Variants in KALRN observed in about 807,000 individuals in gnomAD.
KALRN encodes the protein kalirin RhoGEF kinase.
Under a neutral mutation model 353.7 loss-of-function variants are expected in KALRN, and 70 were observed. The ratio of observed to expected loss-of-function variants is 0.20; its 90% CI spans 0.16 to 0.24. The LOEUF is 0.24. Among genes scored for constraint, KALRN ranks in the 10% least tolerant of loss-of-function variants. The pLI is 1.00. For missense variants in KALRN, 2,791 were observed against 3,756.7 expected (o/e 0.74, Z 6.72); for synonymous variants, 1,391 against 1,434.8 (o/e 0.97, Z 0.69).
At chr3:124,370,574 T>C (rs2149791078) in intron 10 of KALRN, among the ~76,000 whole-genome samples, 1 of 152,326 alleles carries the variant, frequency 6.6e-6, no homozygotes, top group Non-Finnish European at 1.5e-5. Context: ...TTTGACAGGC[T>C]CCCACTTCCA....
At chr3:124,381,274 G>C (rs994656368) in intron 10 of KALRN, among the ~76,000 whole-genome samples, 2 of 152,190 alleles carry the variant, frequency 1.3e-5, no homozygotes, top group Admixed American at 6.5e-5. Context: ...ATGTGCAAAG[G>C]CACAGAGGCA....
chr3:124,702,006 G>A (rs754761210), intron 56 of KALRN, 32 bp from the exon 57 acceptor site: 15 of 1,556,078 alleles, frequency 9.6e-6, no homozygotes, highest in South Asian at 3.3e-5. Context: ...TGACATCCTC[G>A]ATATTGTAAA....
intron 45 of KALRN, among the ~76,000 whole-genome samples, chr3:124,662,714 A>G (rs2085052453): frequency 6.6e-6 from 1 of 152,212 alleles, no homozygotes; most frequent in Non-Finnish European, 1.5e-5. Flanking sequence ...TGAACATACA[A>G]GTTTACTAGG....
At chr3:124,081,139 T>C (rs2060521513) in intron 1 of KALRN, among the ~76,000 whole-genome samples, 1 of 152,242 alleles carries the variant, frequency 6.6e-6, no homozygotes, top group Non-Finnish European at 1.5e-5. Context: ...ACTCACCTTC[T>C]ATGACATTCT....
At chr3:124,202,838 T>C (rs1471252024) in intron 1 of KALRN, among the ~76,000 whole-genome samples, 1 of 152,214 alleles carries the variant, frequency 6.6e-6, no homozygotes, top group African/African-American at 2.4e-5. Context: ...GAGAATCTTC[T>C]AGAGTCTCTG....
intron 5 of KALRN, among the ~76,000 whole-genome samples, chr3:124,277,625 C>T (rs2074889693): frequency 6.6e-6 from 1 of 152,214 alleles, no homozygotes. Context: ...CCTCTCCTTT[C>T]TTCCCTCTCC....
intron 5 of KALRN, among the ~76,000 whole-genome samples, chr3:124,297,467 T>C (rs1427350630): frequency 1.3e-5 from 2 of 152,222 alleles, no homozygotes; most frequent in African/African-American, 2.4e-5. Context: ...TGAGCTGAGA[T>C]GATGAGGAGC....
chr3:124,687,942 C>G (rs1017812969), intron 51 of KALRN, among the ~76,000 whole-genome samples: 1 of 152,082 alleles, frequency 6.6e-6, no homozygotes, highest in African/African-American at 2.4e-5. Context: ...TTGAAAGAGA[C>G]AAGTCTATCG....
intron 37 of KALRN, among the ~76,000 whole-genome samples, chr3:124,644,605 G>A (rs566058398): frequency 1.3e-3 from 192 of 152,206 alleles, no homozygotes; most frequent in African/African-American, 4.6e-3. Context: ...TGTTAGTTTG[G>A]TGAGAATGAT....
intron 1 of KALRN, among the ~76,000 whole-genome samples, chr3:124,123,780 TCC>T (rs2064310975): frequency 6.6e-6 from 1 of 152,052 alleles, no homozygotes; most frequent in Non-Finnish European, 1.5e-5. Context: ...CATTTACCAT[TCC>T]CCCAAATCCC....
At chr3:124,192,500 T>C (rs1041639863) in intron 1 of KALRN, among the ~76,000 whole-genome samples, 1 of 152,100 alleles carries the variant, frequency 6.6e-6, no homozygotes, top group African/African-American at 2.4e-5. Context: ...AATAACTCAA[T>C]TGTACATTTT....
chr3:124,272,755 G>C (rs775453473), intron 5 of KALRN, among the ~76,000 whole-genome samples: 2 of 152,220 alleles, frequency 1.3e-5, no homozygotes, highest in Admixed American at 1.3e-4. Flanking sequence ...GTGCTGGACA[G>C]GGTAGAAAAA....
chr3:124,110,927 A>G (rs1455775683), intron 1 of KALRN, among the ~76,000 whole-genome samples: 2 of 152,214 alleles, frequency 1.3e-5, no homozygotes, highest in Non-Finnish European at 2.9e-5. Context: ...AGCACAGCTT[A>G]GTTTTGCTAC....
At chr3:124,116,849 A>G (rs1246916345) in intron 1 of KALRN, among the ~76,000 whole-genome samples, 1 of 152,224 alleles carries the variant, frequency 6.6e-6, no homozygotes, top group Admixed American at 6.5e-5. Context: ...CATCACAGGT[A>G]ACTGAAACTG....
chr3:124,442,048 A>C lies in KALRN; in HGVS notation c.3302A>C (p.Gln1101Pro). Residue 1101 changes from glutamine (Q) to proline (P), a missense_variant, in exon 19 of 60, where the codon CAA becomes CCA. Physicochemically the swap from Gln to Pro is moderately conservative, Grantham distance 76 (BLOSUM62 -1). Coordinates refer to ENST00000682506, the MANE Select transcript of KALRN (RefSeq NM_001388419.1). Reference sequence around the variant, plus strand: ...GCCAGCCACACTCGGGGACCCGAGCAACAAGTGAAAGGTCAGTGAGAGACC... The same window carrying C: ...GCCAGCCACACTCGGGGACCCGAGCCACAAGTGAAAGGTCAGTGAGAGACC... The part of the protein sequence containing the change: ...SVASHTRGPE[Q>P]QVKAILSELL... 6.3e-7 allele frequency: 1 copy of C among 1,599,532 alleles called. No individual in the cohort carries two copies. Among genetic ancestry groups the C allele is most frequent in the Non-Finnish European group, 8.5e-7 (1 of 1,169,624 alleles).
At chr3:124,485,794 T>C (rs1163691627) in intron 28 of KALRN, among the ~76,000 whole-genome samples, 2 of 152,088 alleles carry the variant, frequency 1.3e-5, no homozygotes, top group Non-Finnish European at 2.9e-5. Flanking sequence ...ACAGGAGAAT[T>C]GCTTGAACCC....
intron 1 of KALRN, among the ~76,000 whole-genome samples, chr3:124,225,478 G>C (rs1023281790): frequency 6.6e-6 from 1 of 152,198 alleles, no homozygotes; most frequent in African/African-American, 2.4e-5. Context: ...ACAGGGTCAG[G>C]GAGGACCCTG....
At chr3:124,671,239 C>G (rs1319124256) in intron 47 of KALRN, among the ~76,000 whole-genome samples, 1 of 152,210 alleles carries the variant, frequency 6.6e-6, no homozygotes, top group Non-Finnish European at 1.5e-5. Flanking sequence ...ACTTTCTAGA[C>G]TTTTCATACC....
Position 124,544,358 on chromosome 3 carries a change from C to T in KALRN, c.4936-18485C>T, listed in dbSNP as rs146552025. Among the ~76,000 whole-genome samples, 12 of 152,172 alleles carry T rather than the reference C, an allele frequency of 7.9e-5. No individual in the cohort carries two copies. In the South Asian group the frequency reaches 1.9e-3, roughly 24 times the overall value. The stretch of plus-strand genomic sequence containing the variant: ...GGCAGATTACCTGAGGTCAGGAGTT[C>T]GAGACCAGCCTAGCCAACATGGCAA... On this transcript the variant is annotated intron_variant, in intron 33 of 59. Transcript: ENST00000682506.
Sources: gnomAD v4.1 joint callset for allele counts (sites outside exome capture counted in the v4.1 genomes callset) on GRCh38, gnomAD v4.1.1 for gene constraint, MANE v1.5 for transcripts, NCBI Gene and HGNC (gene_info 2026-07-23, HGNC 2026-07-21) for gene names.